The following UNC93A variants were observed in gnomAD, a reference collection of about 807,000 sequenced individuals.
UNC93A encodes N-acetylglucosamine transporter UNC93A.
In UNC93A, 43 loss-of-function variants were observed where a neutral mutation model predicts 47.5. That is an observed-to-expected ratio of 0.91 (90% CI 0.71 to 1.17). UNC93A has a LOEUF of 1.17. UNC93A is among the 50% of genes most tolerant of loss of function. UNC93A has a pLI of 0.00. For synonymous variants in UNC93A, 280 were observed against 258.0 expected, an observed-to-expected ratio of 1.09 and a Z score of -0.82; for missense variants, 605 against 577.6, an observed-to-expected ratio of 1.05 and a Z score of -0.49.
chr6:167,306,038 C>A lies in UNC93A; in HGVS notation c.964C>A (p.Leu322Met), dbSNP rs140135992. ...CTCGCAGTACACGGGCAGGGCTGTGCTGTACGTGCTGGGTAGGTATCAGCG... is the reference window on the plus strand; with the variant it reads ...CTCGCAGTACACGGGCAGGGCTGTGATGTACGTGCTGGGTAGGTATCAGCG... ...KVSQYTGRAV[L>M]YVLGAVTHVS... Residue 322 changes from leucine (L) to methionine (M), a missense_variant, in exon 6 of 8, where the codon CTG (leucine) becomes ATG (methionine). Physicochemically the swap from Leu to Met is conservative, Grantham distance 15. Coordinates refer to ENST00000230256, the MANE Select transcript of UNC93A (RefSeq NM_018974.4). The A allele has an allele frequency of 2.0e-5, 33 of 1,614,124 alleles. No homozygotes were observed. In the African/African-American group the frequency reaches 3.5e-4, roughly 17 times the overall value.
intron 1 of UNC93A, among the ~76,000 whole-genome samples, chr6:167,282,369 A>G (rs1281059783): frequency 6.6e-6 from 1 of 152,074 alleles, no homozygotes; most frequent in African/African-American, 2.4e-5. Flanking sequence ...GAAAGTGTGC[A>G]TAGGGGGCCC....
intron 1 of UNC93A, among the ~76,000 whole-genome samples, chr6:167,294,150 C>T (rs570770123): frequency 1.3e-3 from 200 of 152,294 alleles, no homozygotes; most frequent in South Asian, 3.7e-3. Flanking sequence ...CACGCAGGCT[C>T]CTCACAGATG....
chr6:167,298,251 A>G lies in UNC93A; in HGVS notation c.625+181A>G, dbSNP rs115405569. 1.4e-3 allele frequency: 1,316 copies of G among 949,998 alleles called. 15 individuals are homozygous for G. In the African/African-American group the frequency reaches 0.019, roughly 14 times the overall value. The allele number at this position is 949,998 out of a possible 1,614,324, so 58.8% of individuals were successfully genotyped here. On this transcript the variant is annotated intron_variant, in intron 4 of 7. Transcript: ENST00000230256. The stretch of plus-strand genomic sequence containing the variant: ...TGTTCTTATGAATCAAATGCAGTAC[A>G]CCCGTGCTGTCTAACAGAGGATCCT...
chr6:167,306,774 G>A (rs962478108), intron 6 of UNC93A, among the ~76,000 whole-genome samples: 2 of 152,206 alleles, frequency 1.3e-5, no homozygotes, highest in African/African-American at 4.8e-5. Flanking sequence ...ATGGAGTGCA[G>A]AAGTGGAGGG....
intron 1 of UNC93A, among the ~76,000 whole-genome samples, chr6:167,273,103 C>T (rs569135382): frequency 6.6e-6 from 1 of 152,340 alleles, no homozygotes; most frequent in East Asian, 1.9e-4. Context: ...ACGTGCTCCT[C>T]TTACTGCCGC....
In UNC93A at chr6:167,294,613, A is replaced by G. The variant is rs2115118686; in HGVS notation, c.184A>G (p.Ile62Val). Residue 62 changes from isoleucine (I) to valine (V), a missense_variant, in exon 2 of 8, where the codon ATC becomes GTC. Coordinates refer to ENST00000230256, the MANE Select transcript of UNC93A (RefSeq NM_018974.4). ...CTCCATGTTCCTCCCACCGCTCCTC[A>G]TCGAGAGGCTGGGCTGCAAGGGGAC... is the stretch of plus-strand genomic sequence containing the variant. Reference protein sequence around the residue: ...LSSMFLPPLLIERLGCKGTII... With the variant: ...LSSMFLPPLLVERLGCKGTII... 4 of 1,613,748 alleles carry G rather than the reference A, an allele frequency of 2.5e-6. No homozygotes were observed. The East Asian group carries it at 6.7e-5, about 27-fold the overall frequency.
At chr6:167,288,449 TACACACACACACACACACACACAC>T (rs10586281), upstream of UNC93A, among the ~76,000 whole-genome samples, 6 of 134,854 alleles carry the variant, frequency 4.4e-5, no homozygotes, top group East Asian at 9.9e-4. Flanking sequence ...TGTTCTTCCT[TACACACACACACACACACACACAC>T]ACACACACAC....
upstream of UNC93A, chr6:167,291,242 T>C (rs923691525): frequency 1.3e-5 from 5 of 371,592 alleles, no homozygotes; most frequent in South Asian, 7.9e-5. Context: ...AAAGTGGACA[T>C]TGTGGATCAC....
chr6:167,289,420 A>G (rs1246082718), upstream of UNC93A, among the ~76,000 whole-genome samples: 1 of 152,202 alleles, frequency 6.6e-6, no homozygotes, highest in Non-Finnish European at 1.5e-5. Flanking sequence ...ATCCCTTTTA[A>G]CATAGATAAA....
intron 4 of UNC93A, among the ~76,000 whole-genome samples, chr6:167,301,737 T>C (rs988941388): frequency 6.6e-6 from 1 of 152,186 alleles, no homozygotes; most frequent in African/African-American, 2.4e-5. Context: ...TGCTTGACAC[T>C]GAAGTCCTGG....
At chr6:167,291,223 G>A, upstream of UNC93A, 1 of 331,050 alleles carries the variant, frequency 3.0e-6, no homozygotes. Flanking sequence ...ATGATCTTTT[G>A]CCCCATACAA....
chr6:167,297,889 T>A, intron 3 of UNC93A, 56 bp from the exon 4 acceptor site: 1 of 1,595,858 alleles, frequency 6.3e-7, no homozygotes, highest in Non-Finnish European at 8.5e-7. Context: ...CTCAAGAACC[T>A]ACATCTTGTC....
upstream of UNC93A, among the ~76,000 whole-genome samples, chr6:167,269,735 T>C (rs1476868597): frequency 6.6e-6 from 1 of 151,982 alleles, no homozygotes; most frequent in African/African-American, 2.4e-5. Context: ...GCCTTCCCAG[T>C]AGCTGGGACT....
chr6:167,313,815 T>C (rs903142230), intron 7 of UNC93A, among the ~76,000 whole-genome samples: 10 of 152,152 alleles, frequency 6.6e-5, no homozygotes, highest in African/African-American at 2.4e-4. Flanking sequence ...GATCCCATGC[T>C]AACAGTCACC....
chr6:167,298,555 A>T (rs1373385995), intron 4 of UNC93A, among the ~76,000 whole-genome samples: 2 of 150,730 alleles, frequency 1.3e-5, no homozygotes, highest in African/African-American at 4.9e-5. Context: ...AAATGTGCTG[A>T]GTACCTTCTG....
intron 5 of UNC93A, 140 bp downstream of exon 5, chr6:167,304,273 C>A (rs575073405): frequency 2.4e-6 from 2 of 840,888 alleles, no homozygotes; most frequent in South Asian, 3.2e-5. Context: ...CCTATGCTCC[C>A]AGTGCTACCA....
intron 1 of UNC93A, among the ~76,000 whole-genome samples, chr6:167,281,789 C>T (rs146552996): frequency 1.1e-3 from 161 of 152,266 alleles, no homozygotes; most frequent in African/African-American, 3.7e-3. Flanking sequence ...TGGCCCAGCC[C>T]GGCCAGCCAG....
upstream of UNC93A, among the ~76,000 whole-genome samples, chr6:167,270,075 G>A (rs185086240): frequency 5.4e-5 from 8 of 147,968 alleles, no homozygotes; most frequent in African/African-American, 7.5e-5. Context: ...GGGGGGGGGC[G>A]TTCACATGGT....
intron 1 of UNC93A, among the ~76,000 whole-genome samples, chr6:167,274,507 T>A (rs1783505916): frequency 1.3e-5 from 2 of 152,184 alleles, no homozygotes; most frequent in Admixed American, 6.5e-5. Flanking sequence ...TTTCTGCTTC[T>A]CACACTGGAG....
Sources: gnomAD v4.1 joint callset for allele counts (sites outside exome capture counted in the v4.1 genomes callset) on GRCh38, gnomAD v4.1.1 for gene constraint, MANE v1.5 for transcripts, NCBI Gene and HGNC (gene_info 2026-07-23, HGNC 2026-07-21) for gene names.